CPNE4: variants seen among roughly 807,000 people sequenced by gnomAD.
CPNE4 encodes copine 4.
Under a neutral mutation model 67.9 loss-of-function variants are expected in CPNE4, and 25 were observed. The observed-to-expected ratio is 0.37, with a 90% CI of 0.27 to 0.51. CPNE4 has a LOEUF of 0.51. Among genes scored for constraint, CPNE4 ranks in the 20% least tolerant of loss-of-function variants. CPNE4 has a pLI of 0.93. For missense variants in CPNE4, 464 were observed against 690.8 expected, an observed-to-expected ratio of 0.67 and a Z score of 3.68; for synonymous variants, 242 against 244.9, an observed-to-expected ratio of 0.99 and a Z score of 0.11.
chr3:131,815,004 C>A, intron 2 of CPNE4, among the ~76,000 whole-genome samples: 1 of 152,152 alleles, frequency 6.6e-6, no homozygotes, highest in East Asian at 1.9e-4. Context: ...AGGAGGCCAA[C>A]ACCATTTTAA....
chr3:131,567,885 A>G (rs1937137292), intron 10 of CPNE4, among the ~76,000 whole-genome samples: 4 of 151,996 alleles, frequency 2.6e-5, no homozygotes, highest in African/African-American at 7.2e-5. Flanking sequence ...TGGTGCTACT[A>G]TTTAAACATT....
At chr3:131,792,749 A>C (rs1467035882) in intron 2 of CPNE4, among the ~76,000 whole-genome samples, 2 of 142,080 alleles carry the variant, frequency 1.4e-5, no homozygotes, top group Non-Finnish European at 3.1e-5. Context: ...ATATATGTAT[A>C]TATATACACA....
chr3:131,878,855 A>ATATTTACT (rs2087557188), intron 2 of CPNE4, among the ~76,000 whole-genome samples: 1 of 152,252 alleles, frequency 6.6e-6, no homozygotes, highest in East Asian at 1.9e-4. Context: ...ATGCAATGAA[A>ATATTTACT]TATTTAGTGC....
chr3:131,546,487 C>T (rs1310772354), intron 14 of CPNE4, among the ~76,000 whole-genome samples: 1 of 152,112 alleles, frequency 6.6e-6, no homozygotes, highest in Non-Finnish European at 1.5e-5. Flanking sequence ...GTTTATGACC[C>T]TTAGAGATAA....
At position 132,023,284 on chromosome 3, in the gene CPNE4, G is replaced by T. The variant is rs568333793; in HGVS notation, c.-2+11283C>A. On this transcript the variant is annotated intron_variant, in intron 1 of 15. Transcript: ENST00000429747. ...TTTCTGGGGCTTCCTTTGCAGTGCC[G>T]TGTACCCAGAGAAACTCAAACACAA... Among the ~76,000 whole-genome samples, 7 of 152,198 alleles carry T rather than the reference G, an allele frequency of 4.6e-5. No homozygotes were observed. In the South Asian group the frequency reaches 1.5e-3, roughly 32 times the overall value.
At chr3:131,978,468 T>TTTA (rs1560724143) in intron 1 of CPNE4, among the ~76,000 whole-genome samples, 1 of 20,432 alleles carries the variant, frequency 4.9e-5, no homozygotes, top group African/African-American at 3.7e-4. Context: ...TTATATATAT[T>TTTA]TATATATTTA....
intron 7 of CPNE4, among the ~76,000 whole-genome samples, chr3:131,648,384 CATAA>C (rs1397337858): frequency 1.3e-5 from 2 of 152,256 alleles, no homozygotes; most frequent in South Asian, 2.1e-4. Context: ...AAATTAAATA[CATAA>C]ATAAATAATA....
chr3:131,896,571 C>T (rs1481539386), intron 2 of CPNE4, among the ~76,000 whole-genome samples: 1 of 152,082 alleles, frequency 6.6e-6, no homozygotes, highest in African/African-American at 2.4e-5. Flanking sequence ...ATAGCAAAAT[C>T]TTGTCTTGGC....
intron 1 of CPNE4, among the ~76,000 whole-genome samples, chr3:131,989,769 C>T (rs1028993486): frequency 7.3e-6 from 1 of 136,328 alleles, no homozygotes; most frequent in Non-Finnish European, 1.7e-5. Context: ...TCCAAGATAA[C>T]ACCATGTCAA....
intron 1 of CPNE4, among the ~76,000 whole-genome samples, chr3:131,953,475 T>C (rs1178678163): frequency 1.3e-5 from 2 of 152,184 alleles, no homozygotes; most frequent in South Asian, 2.1e-4. Flanking sequence ...GTTAAAATGA[T>C]TATATGGTTT....
At chr3:131,979,406 CT>C (rs1264043746) in intron 1 of CPNE4, among the ~76,000 whole-genome samples, 2 of 152,122 alleles carry the variant, frequency 1.3e-5, no homozygotes, top group African/African-American at 2.4e-5. Flanking sequence ...TGATATTTTC[CT>C]GTTGGACAAG....
At chr3:131,762,961 A>T (rs990824955) in intron 2 of CPNE4, among the ~76,000 whole-genome samples, 6 of 152,024 alleles carry the variant, frequency 3.9e-5, no homozygotes, top group Non-Finnish European at 8.8e-5. Flanking sequence ...CCCCACTGAG[A>T]TTCCCATGGG....
chr3:131,708,957 G>GATATATATATAT (rs202119937), intron 3 of CPNE4, among the ~76,000 whole-genome samples: 2,078 of 65,426 alleles, frequency 0.032, 185 homozygotes, highest in Non-Finnish European at 0.04. Context: ...AGGGCATAAA[G>GATATATATATAT]ATATATATAT....
Position 131,825,319 on chromosome 3 carries a change from A to G in CPNE4, c.180+79945T>C, listed in dbSNP as rs1276324147. On this transcript the variant is annotated intron_variant, in intron 2 of 15. Coordinates refer to ENST00000429747, the MANE Select transcript of CPNE4 (RefSeq NM_130808.3). ...AAGACCAGCCTGACCAACATGGTAA[A>G]ACCCTGTCTCTACTAAAAATACAAA... Among the ~76,000 whole-genome samples, 7 of 152,010 alleles carry G rather than the reference A, an allele frequency of 4.6e-5. No homozygotes were observed. The East Asian group carries it at 1.4e-3, about 29-fold the overall frequency.
At chr3:131,914,135 A>G (rs544567291) in intron 1 of CPNE4, among the ~76,000 whole-genome samples, 4 of 152,228 alleles carry the variant, frequency 2.6e-5, no homozygotes, top group South Asian at 4.2e-4. Flanking sequence ...ACCCATTTCC[A>G]TTTCATAGGC....
intron 2 of CPNE4, among the ~76,000 whole-genome samples, chr3:131,754,791 T>G (rs550297617): frequency 1.5e-4 from 23 of 152,298 alleles, no homozygotes; most frequent in African/African-American, 5.1e-4. Context: ...GGCACCACAG[T>G]GAACTCAGGG....
At chr3:131,791,515 G>T (rs1391307152) in intron 2 of CPNE4, among the ~76,000 whole-genome samples, 1 of 152,088 alleles carries the variant, frequency 6.6e-6, no homozygotes, top group Non-Finnish European at 1.5e-5. Context: ...CCCTTGTTTA[G>T]CACTTGGAAG....
chr3:131,759,021 G>A (rs920740563), intron 2 of CPNE4, among the ~76,000 whole-genome samples: 1 of 152,108 alleles, frequency 6.6e-6, no homozygotes, highest in Non-Finnish European at 1.5e-5. Flanking sequence ...ACTAATACAC[G>A]TGCCTAACTC....
intron 2 of CPNE4, among the ~76,000 whole-genome samples, chr3:131,891,268 A>G (rs181594676): frequency 6.6e-6 from 1 of 152,118 alleles, no homozygotes; most frequent in East Asian, 1.9e-4. Flanking sequence ...TAACAATTAC[A>G]CCTGAATAAA....
Sources: allele counts gnomAD v4.1 joint callset (sites outside exome capture counted in the v4.1 genomes callset), GRCh38; gene constraint gnomAD v4.1.1; transcripts MANE v1.5; gene names NCBI Gene and HGNC (gene_info 2026-07-23, HGNC 2026-07-21).